The following CACNB2 variants were observed in gnomAD, a reference collection of about 807,000 sequenced individuals.
CACNB2 encodes calcium voltage-gated channel auxiliary subunit beta 2, also known as voltage-dependent L-type calcium channel subunit beta-2.
Under a neutral mutation model 73.3 loss-of-function variants are expected in CACNB2, and 42 were observed. The ratio of observed to expected loss-of-function variants is 0.57; its 90% CI spans 0.45 to 0.74. The LOEUF (loss-of-function observed/expected upper bound fraction) is 0.74. Ranked by LOEUF, CACNB2 falls within the 30% of genes least tolerant of loss-of-function variation. The pLI, the probability that CACNB2 is intolerant of heterozygous loss-of-function variation, is 0.00. For missense variants in CACNB2, 940 were observed against 853.0 expected (o/e 1.10, Z -1.27); for synonymous variants, 348 against 310.3 (o/e 1.12, Z -1.28).
chr10:18,268,589 G>A (rs1360135627), intron 2 of CACNB2, among the ~76,000 whole-genome samples: 1 of 152,202 alleles, frequency 6.6e-6, no homozygotes, highest in African/African-American at 2.4e-5. Flanking sequence ...GTGTTTGCAT[G>A]AGTAGAGGTC....
intron 3 of CACNB2, among the ~76,000 whole-genome samples, chr10:18,473,754 C>T (rs2048305668): frequency 6.6e-6 from 1 of 152,158 alleles, no homozygotes; most frequent in Non-Finnish European, 1.5e-5. Flanking sequence ...GTGTTTGCTT[C>T]TTTAAAAAAT....
chr10:18,521,221 C>T (rs542367204), intron 9 of CACNB2, among the ~76,000 whole-genome samples: 1 of 152,348 alleles, frequency 6.6e-6, no homozygotes, highest in Admixed American at 6.5e-5. Context: ...TATGCATGCA[C>T]AAGGTGCAGG....
intron 1 of CACNB2, among the ~76,000 whole-genome samples, chr10:18,145,615 A>T (rs915767069): frequency 1.3e-5 from 2 of 152,170 alleles, no homozygotes; most frequent in Non-Finnish European, 2.9e-5. Context: ...TGAATTATAT[A>T]GCCTTGGCCC....
At chr10:18,501,306 G>C (rs973391329) in intron 5 of CACNB2, among the ~76,000 whole-genome samples, 36 of 152,330 alleles carry the variant, frequency 2.4e-4, no homozygotes, top group Admixed American at 2.3e-3. Flanking sequence ...TAGCTGCCTG[G>C]TATGGCTGGG....
chr10:18,178,178 C>G (rs1043239057), intron 2 of CACNB2, among the ~76,000 whole-genome samples: 4 of 152,094 alleles, frequency 2.6e-5, no homozygotes, highest in African/African-American at 9.7e-5. Context: ...TATGATGCGA[C>G]TTTATCATTA....
intron 3 of CACNB2, among the ~76,000 whole-genome samples, chr10:18,408,513 A>C (rs1416551159): frequency 3.3e-5 from 5 of 152,096 alleles, no homozygotes; most frequent in African/African-American, 1.2e-4. Flanking sequence ...TTCTGGGATT[A>C]CAAGCATGAG....
chr10:18,398,690 CAT>C (rs59000667), intron 2 of CACNB2, among the ~76,000 whole-genome samples: 50 of 73,196 alleles, frequency 6.8e-4, no homozygotes, highest in African/African-American at 1.6e-3. Flanking sequence ...CACACACACA[CAT>C]ACACACACAC....
chr10:18,210,432 G>GT (rs201584145), intron 2 of CACNB2, among the ~76,000 whole-genome samples: 1,594 of 151,894 alleles, frequency 0.01, 29 homozygotes, highest in African/African-American at 0.037. Context: ...GTGAAGAATG[G>GT]TTTTTTTTCC....
At chr10:18,428,108 G>A (rs1159237256) in intron 3 of CACNB2, among the ~76,000 whole-genome samples, 1 of 152,060 alleles carries the variant, frequency 6.6e-6, no homozygotes, top group Non-Finnish European at 1.5e-5. Context: ...GGGATGGTGA[G>A]TTATCTATAA....
intron 2 of CACNB2, among the ~76,000 whole-genome samples, chr10:18,395,861 G>A (rs1019989376): frequency 4.6e-5 from 7 of 152,162 alleles, no homozygotes; most frequent in Admixed American, 3.9e-4. Context: ...TGCAAACTAA[G>A]GTATACAATG....
intron 2 of CACNB2, among the ~76,000 whole-genome samples, chr10:18,222,154 G>T (rs79566172): frequency 0.012 from 1,758 of 152,262 alleles, 36 homozygotes; most frequent in African/African-American, 0.04. Context: ...ATCACAATCC[G>T]ATCCAACCTC....
intron 2 of CACNB2, among the ~76,000 whole-genome samples, chr10:18,213,744 A>G (rs1350958821): frequency 1.3e-5 from 2 of 152,228 alleles, no homozygotes. Context: ...ATTTTAGGCT[A>G]CTTGCAAAGA....
At chr10:18,523,264 T>C (rs1032351396) in intron 9 of CACNB2, among the ~76,000 whole-genome samples, 6 of 152,210 alleles carry the variant, frequency 3.9e-5, no homozygotes, top group Non-Finnish European at 7.3e-5. Flanking sequence ...GTGTTTTCCA[T>C]GCCTGAGTCA....
At chr10:18,320,371 G>GT (rs2040356122) in intron 2 of CACNB2, among the ~76,000 whole-genome samples, 1 of 152,166 alleles carries the variant, frequency 6.6e-6, no homozygotes, top group South Asian at 2.1e-4. Flanking sequence ...CTATGACATA[G>GT]TTAAGTACGA....
intron 3 of CACNB2, among the ~76,000 whole-genome samples, chr10:18,477,488 G>T (rs2048499198): frequency 6.6e-6 from 1 of 152,172 alleles, no homozygotes; most frequent in South Asian, 2.1e-4. Context: ...AGCCTTTTTA[G>T]TAATGCCATG....
intron 3 of CACNB2, among the ~76,000 whole-genome samples, chr10:18,415,809 T>C (rs2044924782): frequency 6.6e-6 from 1 of 152,220 alleles, no homozygotes; most frequent in Non-Finnish European, 1.5e-5. Context: ...GTATGAAGTA[T>C]TTCACACTGT....
chr10:18,406,216 G>C (rs1287523825), intron 3 of CACNB2, among the ~76,000 whole-genome samples: 4 of 152,204 alleles, frequency 2.6e-5, no homozygotes, highest in African/African-American at 9.6e-5. Flanking sequence ...GAATACAATA[G>C]GTTGTGGGGA....
chr10:18,239,992 G>C lies in CACNB2; in HGVS notation c.213+89017G>C, dbSNP rs568673965. On this transcript the variant is annotated intron_variant, in intron 2 of 13. Transcript: ENST00000324631. ...TGATAAGGCAGATAGCTGCCTCTCTGCCTTATCAGCTGTAACAATCTCACA... is the reference window on the plus strand; with the variant it reads ...TGATAAGGCAGATAGCTGCCTCTCTCCCTTATCAGCTGTAACAATCTCACA... 2.0e-5 allele frequency among the ~76,000 whole-genome samples: 3 copies of C among 152,184 alleles called. No individual in the cohort carries two copies. In the South Asian group the frequency reaches 6.2e-4, roughly 32 times the overall value.
intron 3 of CACNB2, among the ~76,000 whole-genome samples, chr10:18,488,803 T>C (rs989635691): frequency 6.6e-6 from 1 of 151,780 alleles, no homozygotes; most frequent in Non-Finnish European, 1.5e-5. Context: ...ACTCTAGTAC[T>C]GTAGGAGAAA....
Sources: allele counts gnomAD v4.1 joint callset (sites outside exome capture counted in the v4.1 genomes callset), GRCh38; gene constraint gnomAD v4.1.1; transcripts MANE v1.5; gene names NCBI Gene and HGNC (gene_info 2026-07-23, HGNC 2026-07-21).